PRKN: variants seen among roughly 807,000 people sequenced by gnomAD.
PRKN encodes E3 ubiquitin-protein ligase parkin.
A neutral mutation model predicts 59.5 loss-of-function variants in PRKN; 56 were observed. The ratio of observed to expected loss-of-function variants is 0.94; its 90% CI spans 0.76 to 1.18. PRKN has a LOEUF of 1.18. Among genes scored for constraint, PRKN ranks in the 50% most tolerant of loss-of-function variants. PRKN has a pLI of 0.00. For missense variants in PRKN, 657 were observed against 596.4 expected (o/e 1.10, Z -1.06); for synonymous variants, 250 against 222.1 (o/e 1.13, Z -1.12).
At chr6:161,720,267 T>G (rs538122965) in intron 7 of PRKN, among the ~76,000 whole-genome samples, 1 of 152,318 alleles carries the variant, frequency 6.6e-6, no homozygotes, top group East Asian at 1.9e-4. Flanking sequence ...CCACCAGGTA[T>G]GACGTGAAGG....
intron 7 of PRKN, among the ~76,000 whole-genome samples, chr6:161,699,308 C>T (rs1157061076): frequency 6.6e-6 from 1 of 152,158 alleles, no homozygotes; most frequent in African/African-American, 2.4e-5. Context: ...TAGAAACATA[C>T]ACTATCCAAA....
chr6:162,359,079 A>AAAAAAAAAAAAAATATATATATAT (rs57265104), intron 2 of PRKN, among the ~76,000 whole-genome samples: 3 of 83,236 alleles, frequency 3.6e-5, no homozygotes, highest in African/African-American at 2.2e-4. Flanking sequence ...AAAAAAAAAA[A>AAAAAAAAAAAAAATATATATATAT]ATATATATAT....
chr6:162,527,257 C>G (rs1778324083), intron 1 of PRKN, among the ~76,000 whole-genome samples: 1 of 152,142 alleles, frequency 6.6e-6, no homozygotes, highest in African/African-American at 2.4e-5. Context: ...CAGCTCAGAG[C>G]AAGACCGACA....
At chr6:162,607,100 C>T (rs759199940) in intron 1 of PRKN, among the ~76,000 whole-genome samples, 3 of 152,184 alleles carry the variant, frequency 2.0e-5, no homozygotes, top group Admixed American at 6.5e-5. Context: ...TAATTTTACA[C>T]GGGTGGGGTT....
chr6:162,320,362 C>CAAAAAAAAAAAAAAAAAAAA (rs55793911), intron 2 of PRKN, among the ~76,000 whole-genome samples: 1 of 7,286 alleles, frequency 1.4e-4, no homozygotes. Flanking sequence ...TACAAAAAGC[C>CAAAAAAAAAAAAAAAAAAAA]AAAAAAAAAA....
At chr6:162,494,145 C>A (rs1792946241) in intron 1 of PRKN, among the ~76,000 whole-genome samples, 1 of 152,170 alleles carries the variant, frequency 6.6e-6, no homozygotes, top group Non-Finnish European at 1.5e-5. Context: ...CATTGTGGTG[C>A]ACTATAAATA....
rs1354286375 is a variant in PRKN at position 161,429,357 on chromosome 6, C to G, written c.1084-42480G>C. 6.6e-6 allele frequency among the ~76,000 whole-genome samples: 1 copy of G among 152,126 alleles called. No individual in the cohort carries two copies. The highest frequency in any genetic ancestry group is 1.5e-5 in the Non-Finnish European group (1 of 68,022). ...TTATAGTCAGTCATGGGCAAGTAAACAGGTCATTATAACACAGCAGTGCCC... is the reference window on the plus strand; with the variant it reads ...TTATAGTCAGTCATGGGCAAGTAAAGAGGTCATTATAACACAGCAGTGCCC... On this transcript the variant is annotated intron_variant, in intron 9 of 11. Coordinates refer to ENST00000366898, the MANE Select transcript of PRKN (RefSeq NM_004562.3). This position sits in a 1 kb window ranked among gnomAD's most constrained non-coding sequence, Gnocchi z 4.2.
chr6:162,646,864 G>A (rs1292718116), intron 1 of PRKN, among the ~76,000 whole-genome samples: 62 of 152,102 alleles, frequency 4.1e-4, no homozygotes, highest in Admixed American at 4.1e-3. Flanking sequence ...CATGGAGAAG[G>A]TACATTAAAA....
At chr6:161,609,971 G>T (rs1782428842) in intron 7 of PRKN, among the ~76,000 whole-genome samples, 1 of 152,156 alleles carries the variant, frequency 6.6e-6, no homozygotes, top group African/African-American at 2.4e-5. Flanking sequence ...AAAAGTCATT[G>T]ATATATTTTT....
chr6:162,483,397 T>C (rs1177413550), intron 1 of PRKN, among the ~76,000 whole-genome samples: 1 of 152,004 alleles, frequency 6.6e-6, no homozygotes, highest in East Asian at 1.9e-4. Context: ...AAAAGTTAAT[T>C]TAACTATATG....
intron 9 of PRKN, among the ~76,000 whole-genome samples, chr6:161,522,760 T>C (rs1778881190): frequency 1.3e-5 from 2 of 152,236 alleles, no homozygotes; most frequent in African/African-American, 4.8e-5. Context: ...TCAGTTTCAA[T>C]TCATGTGTCT....
chr6:161,569,323 A>T (rs2115479823), intron 8 of PRKN, 32 bp downstream of exon 8: 1 of 1,591,304 alleles, frequency 6.3e-7, no homozygotes, highest in Middle Eastern at 1.7e-4. Flanking sequence ...CTTTCATGAC[A>T]GTCTGATGCA....
At position 161,906,672 on chromosome 6, in the gene PRKN, ATATG is replaced by A. The variant is rs762706953; in HGVS notation, c.734+66626_734+66629del. 6.1e-4 allele frequency among the ~76,000 whole-genome samples: 71 copies of A among 116,838 alleles called. 8 individuals are homozygous for A. Among genetic ancestry groups the A allele is most frequent in the Admixed American group, 1.7e-3 (20 of 11,802 alleles). The allele number at this position is 116,838 out of a possible 152,430, so 76.7% of individuals were successfully genotyped here. ...TAATAGAACATACATATATATATATATATGTATATATGAGTTTATTTAGTAGTAT... is the reference window on the plus strand; with the variant it reads ...TAATAGAACATACATATATATATATATATATATGAGTTTATTTAGTAGTAT... On this transcript the variant is annotated intron_variant, in intron 6 of 11. Coordinates refer to ENST00000366898, the MANE Select transcript of PRKN (RefSeq NM_004562.3).
intron 7 of PRKN, among the ~76,000 whole-genome samples, chr6:161,698,069 C>T (rs1786095967): frequency 6.6e-6 from 1 of 152,000 alleles, no homozygotes; most frequent in Admixed American, 6.6e-5. Context: ...CAAAATCCAA[C>T]AAAAGCTTCT....
In PRKN at chr6:161,901,812, G is replaced by A. The variant is rs112703456; in HGVS notation, c.734+71490C>T. ...GAGAGAGGTATGATGGCAAAAGGAC[G>A]GTGATTTTGTCCAGGAGGTAACTGG... On this transcript the variant is annotated intron_variant, in intron 6 of 11. Transcript: ENST00000366898. Among the ~76,000 whole-genome samples, 1,508 of 152,276 alleles carry A rather than the reference G, an allele frequency of 9.9e-3. 18 individuals are homozygous for A. Among genetic ancestry groups the A allele is most frequent in the African/African-American group, 0.034 (1,404 of 41,544 alleles).
At chr6:161,813,158 A>G (rs148105321) in intron 6 of PRKN, among the ~76,000 whole-genome samples, 1 of 152,300 alleles carries the variant, frequency 6.6e-6, no homozygotes, top group East Asian at 1.9e-4. Context: ...ATTCTGTTTT[A>G]ACTGACAGGA....
rs1790237866 is a variant in PRKN at position 161,461,818 on chromosome 6, T to C, written c.1084-74941A>G. Among the ~76,000 whole-genome samples, 1 of 152,082 alleles carries C rather than the reference T, an allele frequency of 6.6e-6. No homozygotes were observed. Among genetic ancestry groups the C allele is most frequent in the African/African-American group, 2.4e-5 (1 of 41,410 alleles). On this transcript the variant is annotated intron_variant, in intron 9 of 11. Transcript: ENST00000366898. The surrounding 1 kb of genome is among the most constrained non-coding windows in gnomAD (Gnocchi z 5.1). ...GCAATGTGAAGTATAATCCAGGAGC[T>C]CTAGAGAATGGTCTAGTTAGAGACA...
rs1000582275 is a variant in PRKN at position 161,395,981 on chromosome 6, G to A, written c.1084-9104C>T. Among the ~76,000 whole-genome samples the A allele has an allele frequency of 2.0e-5, 3 of 152,106 alleles. No homozygotes were observed. Among genetic ancestry groups the A allele is most frequent in the African/African-American group, 7.2e-5 (3 of 41,426 alleles). ...AGAAAGAAACAGTGAATGGGGGAAC[G>A]GCAGCTTCCCTCACTTGTGGCTGTG... is the stretch of plus-strand genomic sequence containing the variant. On this transcript the variant is annotated intron_variant, in intron 9 of 11. Transcript: ENST00000366898. This position sits in a 1 kb window ranked among gnomAD's most constrained non-coding sequence, Gnocchi z 5.0.
intron 6 of PRKN, among the ~76,000 whole-genome samples, chr6:161,969,234 T>C (rs544604354): frequency 6.6e-6 from 1 of 151,880 alleles, no homozygotes; most frequent in Non-Finnish European, 1.5e-5. Context: ...CAGTCAATGA[T>C]GTCTGTAAAA....
Sources: gnomAD v4.1 joint callset for allele counts (sites outside exome capture counted in the v4.1 genomes callset) on GRCh38, gnomAD v4.1.1 for gene constraint, Gnocchi (gnomAD v3.1) non-coding constraint, MANE v1.5 for transcripts, NCBI Gene and HGNC (gene_info 2026-07-23, HGNC 2026-07-21) for gene names.